The following TMEM45A variants were observed in gnomAD, a reference collection of about 807,000 sequenced individuals.
TMEM45A encodes the protein transmembrane protein 45A.
TMEM45A carries 25 observed loss-of-function variants against 32.0 expected under a neutral mutation model. The observed-to-expected ratio is 0.78, with a 90% CI of 0.57 to 1.09. TMEM45A has a LOEUF of 1.09. Among genes scored for constraint, TMEM45A ranks in the 50% least tolerant of loss-of-function variants. The pLI is 0.00. For synonymous variants in TMEM45A, 122 were observed against 114.8 expected, an observed-to-expected ratio of 1.06 and a Z score of -0.40; for missense variants, 302 against 325.0, an observed-to-expected ratio of 0.93 and a Z score of 0.54.
intron 1 of TMEM45A, among the ~76,000 whole-genome samples, chr3:100,514,486 TA>T (rs1708226416): frequency 1.3e-5 from 2 of 151,930 alleles, no homozygotes; most frequent in South Asian, 4.2e-4. Flanking sequence ...CAAGATGGAT[TA>T]AAGACTTAAA....
chr3:100,560,179 T>C (rs1241136324), intron 4 of TMEM45A, among the ~76,000 whole-genome samples: 1 of 152,134 alleles, frequency 6.6e-6, no homozygotes, highest in African/African-American at 2.4e-5. Flanking sequence ...AAGTTTTATA[T>C]TACAGGTCTG....
intron 1 of TMEM45A, among the ~76,000 whole-genome samples, chr3:100,541,962 C>G (rs1705889936): frequency 8.6e-6 from 1 of 116,782 alleles, no homozygotes; most frequent in Non-Finnish European, 1.8e-5. Flanking sequence ...GATGACTGTA[C>G]ATGCATGTTT....
intron 1 of TMEM45A, among the ~76,000 whole-genome samples, chr3:100,529,697 T>G (rs531231088): frequency 6.6e-6 from 1 of 152,288 alleles, no homozygotes; most frequent in East Asian, 1.9e-4. Flanking sequence ...TCTAGCTCAT[T>G]GCAACCTTTG....
chr3:100,495,040 A>G (rs948276115), intron 1 of TMEM45A, among the ~76,000 whole-genome samples: 2 of 152,188 alleles, frequency 1.3e-5, no homozygotes, highest in African/African-American at 4.8e-5. Context: ...ACTCTTTGTT[A>G]TCTTCCTTCC....
At chr3:100,527,316 A>G (rs1705564784) in intron 1 of TMEM45A, among the ~76,000 whole-genome samples, 1 of 152,274 alleles carries the variant, frequency 6.6e-6, no homozygotes. Flanking sequence ...AACTCCAACA[A>G]GAGTTCAAAT....
At chr3:100,539,346 T>TG (rs1705804761) in intron 1 of TMEM45A, among the ~76,000 whole-genome samples, 2 of 151,960 alleles carry the variant, frequency 1.3e-5, no homozygotes, top group African/African-American at 4.8e-5. Flanking sequence ...AATTCAGTAG[T>TG]GAAAAAATAA....
At chr3:100,523,335 G>A (rs962359839) in intron 1 of TMEM45A, among the ~76,000 whole-genome samples, 4 of 152,166 alleles carry the variant, frequency 2.6e-5, no homozygotes, top group Non-Finnish European at 5.9e-5. Flanking sequence ...CCAGGTGGTG[G>A]TTCTTACATT....
chr3:100,558,371 C>T, intron 3 of TMEM45A, 34 bp from the exon 4 acceptor site: 1 of 1,610,434 alleles, frequency 6.2e-7, no homozygotes, highest in Non-Finnish European at 8.5e-7. Flanking sequence ...TCCTTGGTTC[C>T]ACTGAAAAAG....
chr3:100,510,876 G>A (rs1708149469), intron 1 of TMEM45A, among the ~76,000 whole-genome samples: 1 of 152,116 alleles, frequency 6.6e-6, no homozygotes, highest in Non-Finnish European at 1.5e-5. Flanking sequence ...GTTATCAGCA[G>A]TGGAAGATGA....
chr3:100,509,723 G>C (rs916144795), intron 1 of TMEM45A, among the ~76,000 whole-genome samples: 1 of 152,174 alleles, frequency 6.6e-6, no homozygotes, highest in Non-Finnish European at 1.5e-5. Flanking sequence ...CATCTCACTA[G>C]GGAGTGCCAG....
intron 4 of TMEM45A, among the ~76,000 whole-genome samples, chr3:100,567,970 A>G (rs939455864): frequency 6.6e-5 from 10 of 152,100 alleles, no homozygotes; most frequent in African/African-American, 2.4e-4. Flanking sequence ...TATGTTTAGT[A>G]GAGATGGGGT....
chr3:100,555,707 C>T lies in TMEM45A; in HGVS notation c.190+306C>T, dbSNP rs566631532. 4.6e-5 allele frequency among the ~76,000 whole-genome samples: 7 copies of T among 152,268 alleles called. No homozygotes were observed. The South Asian group carries it at 1.5e-3, about 32-fold the overall frequency. ...TTCTAAGGCCTTTCCACTGAATCTT[C>T]CATATGAAGATTCAATGAAAATGTT... On this transcript the variant is annotated intron_variant, in intron 2 of 5. Transcript: ENST00000323523.
chr3:100,510,013 A>G (rs1708133341), intron 1 of TMEM45A, among the ~76,000 whole-genome samples: 3 of 152,024 alleles, frequency 2.0e-5, no homozygotes, highest in African/African-American at 7.3e-5. Flanking sequence ...GTCTGAGATC[A>G]AACTGCAAGG....
intron 1 of TMEM45A, among the ~76,000 whole-genome samples, chr3:100,537,075 A>G (rs553528629): frequency 6.6e-6 from 1 of 151,956 alleles, no homozygotes; most frequent in South Asian, 2.1e-4. Context: ...GCACCCCACA[A>G]CCATGCCTGG....
At chr3:100,572,110 T>C (rs1308641112) in intron 5 of TMEM45A, 1 of 152,374 alleles carries the variant, frequency 6.6e-6, no homozygotes, top group South Asian at 2.1e-4. Context: ...TTTGGGTATA[T>C]ACCCAGTAAT....
chr3:100,545,069 C>A (rs1705957562), intron 1 of TMEM45A, among the ~76,000 whole-genome samples: 1 of 152,122 alleles, frequency 6.6e-6, no homozygotes, highest in African/African-American at 2.4e-5. Context: ...ATTAGCATAT[C>A]CCAAATGACT....
At chr3:100,553,398 G>T (rs1047363687) in intron 1 of TMEM45A, among the ~76,000 whole-genome samples, 1 of 152,074 alleles carries the variant, frequency 6.6e-6, no homozygotes, top group Non-Finnish European at 1.5e-5. Context: ...CCTAGTGCTT[G>T]TATTTCCATT....
intron 1 of TMEM45A, among the ~76,000 whole-genome samples, chr3:100,499,389 G>A (rs1344329451): frequency 6.6e-6 from 1 of 152,024 alleles, no homozygotes; most frequent in Non-Finnish European, 1.5e-5. Flanking sequence ...GGTAATAGGT[G>A]TTCACCTTCA....
At chr3:100,519,371 G>A in intron 1 of TMEM45A, 1 of 389,314 alleles carries the variant, frequency 2.6e-6, no homozygotes, top group Non-Finnish European at 4.5e-6. Context: ...CATACAGGTT[G>A]TGTGTGTGTG....
Sources: gnomAD v4.1 joint callset for allele counts (sites outside exome capture counted in the v4.1 genomes callset) on GRCh38, gnomAD v4.1.1 for gene constraint, MANE v1.5 for transcripts, NCBI Gene and HGNC (gene_info 2026-07-23, HGNC 2026-07-21) for gene names.